Variants in ENTPD5 observed in about 807,000 individuals in gnomAD.
ENTPD5 encodes the protein ectonucleoside triphosphate diphosphohydrolase 5 (inactive), also known as nucleoside diphosphate phosphatase ENTPD5.
A neutral mutation model predicts 60.2 loss-of-function variants in ENTPD5; 49 were observed. The observed-to-expected ratio is 0.81, with a 90% confidence interval of 0.65 to 1.03. ENTPD5 has a LOEUF of 1.03. ENTPD5 is among the 50% of genes least tolerant of loss of function. ENTPD5 has a pLI of 0.00. For missense variants in ENTPD5, 480 were observed against 507.6 expected, an observed-to-expected ratio of 0.95 and a Z score of 0.52; for synonymous variants, 187 against 185.4, an observed-to-expected ratio of 1.01 and a Z score of -0.07.
At chr14:73,992,990 G>A (rs1183992674) in intron 3 of ENTPD5, among the ~76,000 whole-genome samples, 1 of 152,106 alleles carries the variant, frequency 6.6e-6, no homozygotes, top group Non-Finnish European at 1.5e-5. Context: ...GAGATAGAGT[G>A]AGATTCTATC....
chr14:73,971,105 A>T (rs2057203713), intron 14 of ENTPD5, among the ~76,000 whole-genome samples: 1 of 151,948 alleles, frequency 6.6e-6, no homozygotes, highest in South Asian at 2.1e-4. Flanking sequence ...AGAAAGCAAG[A>T]AATGTAGAAG....
At chr14:74,014,694 C>T (rs1373416902) in intron 2 of ENTPD5, among the ~76,000 whole-genome samples, 1 of 152,074 alleles carries the variant, frequency 6.6e-6, no homozygotes, top group African/African-American at 2.4e-5. Context: ...TAAAATGCCC[C>T]TGCAGAGATG....
downstream of ENTPD5, chr14:73,957,939 A>C (rs2056520474): frequency 1.8e-6 from 1 of 542,768 alleles, no homozygotes; most frequent in African/African-American, 1.9e-5. Context: ...GTTCACTGAG[A>C]ACTTCAATGT....
chr14:73,973,123 A>G, intron 12 of ENTPD5, 99 bp from the exon 13 acceptor site: 2 of 1,408,046 alleles, frequency 1.4e-6, no homozygotes, highest in Non-Finnish European at 1.9e-6. Context: ...GAACAGCAGG[A>G]AGGTCAAGGA....
Position 74,014,368 on chromosome 14 carries a change from T to A in ENTPD5, c.-131+1456A>T, listed in dbSNP as rs186499427. ...TGAGCCCAGTAGCAACAGAGTGAGA[T>A]CCAGTCTTTACTCCCCCCCCCCACA... On this transcript the variant is annotated intron_variant, in intron 2 of 15. Transcript: ENST00000334696. 6.3e-3 allele frequency among the ~76,000 whole-genome samples: 929 copies of A among 147,330 alleles called. 2 individuals carry two copies. The highest frequency in any genetic ancestry group is 0.026 in the South Asian group (120 of 4,542).
chr14:74,015,414 T>G (rs865843008), intron 2 of ENTPD5, among the ~76,000 whole-genome samples: 2 of 127,422 alleles, frequency 1.6e-5, no homozygotes, highest in Middle Eastern at 0.011. Context: ...TGGAATACAG[T>G]GGCACGGCTC....
chr14:73,994,360 C>T (rs2058258230), intron 3 of ENTPD5, among the ~76,000 whole-genome samples: 1 of 151,920 alleles, frequency 6.6e-6, no homozygotes, highest in African/African-American at 2.4e-5. Flanking sequence ...CTCCTGACCT[C>T]AGGTGATCCA....
downstream of ENTPD5, chr14:73,955,766 C>T (rs1566684859): frequency 7.4e-6 from 12 of 1,613,892 alleles, no homozygotes; most frequent in African/African-American, 1.3e-5. Flanking sequence ...TGATGTTTCC[C>T]TCTTGGTTTT....
chr14:73,996,581 T>C (rs1331433217), intron 3 of ENTPD5: 1 of 151,588 alleles, frequency 6.6e-6, no homozygotes. Flanking sequence ...GTATCTAATA[T>C]ATACCAGGCA....
Position 74,011,076 on chromosome 14 carries a change from A to G in ENTPD5, c.-71+15T>C. The G allele has an allele frequency of 7.7e-6, 5 of 647,294 alleles. No individual in the cohort carries two copies. Among genetic ancestry groups the G allele is most frequent in the Non-Finnish European group, 9.6e-6 (5 of 521,044 alleles). 40.1% of individuals were successfully genotyped at this position (647,294 alleles called of 1,614,324 possible). A position where few individuals can be genotyped will look rare whatever the true frequency, so the allele number is the denominator to read the frequency against. ...CCTATGAAAAAGTGAAGTATTACTT[A>G]TATATGTTACTTACCAATTTTTTCT... On this transcript the variant is annotated intron_variant, in intron 3 of 15. Coordinates refer to ENST00000334696, the MANE Select transcript of ENTPD5 (RefSeq NM_001249.5).
chr14:74,008,189 C>G (rs1457664531), intron 3 of ENTPD5, among the ~76,000 whole-genome samples: 1 of 151,838 alleles, frequency 6.6e-6, no homozygotes, highest in African/African-American at 2.4e-5. Flanking sequence ...CAAAGACTTA[C>G]ATATAATAAG....
At chr14:74,005,368 A>AAAAAAAAAAAAAAAG (rs1162105743) in intron 3 of ENTPD5, among the ~76,000 whole-genome samples, 1 of 150,184 alleles carries the variant, frequency 6.7e-6, no homozygotes, top group African/African-American at 2.5e-5. Context: ...CGGTCTCAAA[A>AAAAAAAAAAAAAAAG]AAAAAGAAAA....
chr14:74,018,966 G>C (rs1208907940), intron 1 of ENTPD5: 2 of 154,034 alleles, frequency 1.3e-5, no homozygotes, highest in African/African-American at 4.8e-5. Context: ...CGGGGGCGAG[G>C]GCAAGGTAGC....
intron 14 of ENTPD5, among the ~76,000 whole-genome samples, chr14:73,971,215 T>A (rs1217773583): frequency 6.6e-6 from 1 of 151,838 alleles, no homozygotes; most frequent in Non-Finnish European, 1.5e-5. Flanking sequence ...TGGAGTGCAG[T>A]GGCACAACCT....
intron 3 of ENTPD5, among the ~76,000 whole-genome samples, chr14:73,988,457 G>A (rs1354923823): frequency 3.9e-5 from 6 of 152,106 alleles, no homozygotes; most frequent in African/African-American, 1.4e-4. Flanking sequence ...ATATGCAGAC[G>A]ATGTGTAAAG....
At chr14:73,960,209 A>C (rs2056649905), downstream of ENTPD5, 1 of 988,096 alleles carries the variant, frequency 1.0e-6, no homozygotes, top group African/African-American at 1.7e-5. Flanking sequence ...GGGGCTTAAG[A>C]GTAAGCTTAG....
In ENTPD5 at chr14:74,011,159, G is replaced by C. The variant is rs1034782331; in HGVS notation, c.-130-9C>G. The C allele has an allele frequency of 1.2e-6, 1 of 836,954 alleles. No individual in the cohort carries two copies. The highest frequency in any genetic ancestry group is 1.8e-5 in the African/African-American group (1 of 54,200). 51.8% of individuals were successfully genotyped at this position (836,954 alleles called of 1,614,324 possible). ...TATATCACTTTTTCAACCTGTGTAAGATGGACATGAATAATTATAAGAACA... is the reference window on the plus strand; with the variant it reads ...TATATCACTTTTTCAACCTGTGTAACATGGACATGAATAATTATAAGAACA... On this transcript the variant is annotated splice_polypyrimidine_tract_variant and intron_variant, in intron 2 of 15. Transcript: ENST00000334696.
downstream of ENTPD5, chr14:73,955,942 C>T (rs762957015): frequency 6.2e-7 from 1 of 1,613,930 alleles, no homozygotes; most frequent in South Asian, 1.1e-5. Context: ...AGGCCCCCAT[C>T]TTCCACCTTG....
intron 3 of ENTPD5, among the ~76,000 whole-genome samples, chr14:74,005,265 C>CAA (rs71115941): frequency 3.0e-4 from 12 of 39,954 alleles, no homozygotes; most frequent in Middle Eastern, 0.014. Context: ...GACTCAGTCT[C>CAA]AAAAAAAAAA....
Sources: allele counts gnomAD v4.1 joint callset (sites outside exome capture counted in the v4.1 genomes callset), GRCh38; gene constraint gnomAD v4.1.1; transcripts MANE v1.5; gene names NCBI Gene and HGNC (gene_info 2026-07-23, HGNC 2026-07-21).